Variants in FMN2 observed in about 807,000 individuals in gnomAD.
The protein encoded by FMN2 is formin 2.
FMN2 carries 51 observed loss-of-function variants against 142.3 expected under a neutral mutation model. The ratio of observed to expected loss-of-function variants is 0.36; its 90% CI spans 0.29 to 0.45. The LOEUF (loss-of-function observed/expected upper bound fraction) is 0.45, where lower values mean the gene tolerates loss of function less well. Ranked by LOEUF, FMN2 falls within the 20% of genes least tolerant of loss-of-function variation. The pLI is 1.00. For missense variants in FMN2, 1,936 were observed against 2,122.8 expected, an observed-to-expected ratio of 0.91 and a Z score of 1.73; for synonymous variants, 882 against 869.8, an observed-to-expected ratio of 1.01 and a Z score of -0.25.
At chr1:240,418,123 T>G (rs567285594) in intron 15 of FMN2, among the ~76,000 whole-genome samples, 11 of 152,218 alleles carry the variant, frequency 7.2e-5, no homozygotes, top group African/African-American at 2.4e-4. Context: ...GTATTTATTT[T>G]ATCTGAATTT....
chr1:240,232,268 TTTA>T (rs1258733752), intron 6 of FMN2, among the ~76,000 whole-genome samples: 157 of 101,732 alleles, frequency 1.5e-3, no homozygotes, highest in Admixed American at 6.1e-3. Context: ...TTTTTTTTTT[TTTA>T]AGTAGAGACA....
chr1:240,157,833 A>G (rs1664086307), intron 2 of FMN2, among the ~76,000 whole-genome samples: 1 of 152,030 alleles, frequency 6.6e-6, no homozygotes, highest in Admixed American at 6.6e-5. Context: ...TGGAATTTTT[A>G]TAAATATATA....
chr1:240,322,313 T>C (rs1671000705), intron 8 of FMN2, among the ~76,000 whole-genome samples: 1 of 152,158 alleles, frequency 6.6e-6, no homozygotes, highest in Non-Finnish European at 1.5e-5. Flanking sequence ...ATCTTCGGTC[T>C]AAAATGCTTG....
chr1:240,334,267 C>CT lies in FMN2; in HGVS notation c.4765+44dup, dbSNP rs762872244. On this transcript the variant is annotated intron_variant, in intron 13 of 17. Transcript: ENST00000319653. ...CCTGAACTCATGTTTTCTGTTTATG[C>CT]TTTTTTAATGAGAGAAGGCAGACTT... The CT allele has an allele frequency of 3.2e-6, 5 of 1,540,642 alleles. No homozygotes were observed. The South Asian group carries it at 6.4e-5, about 20-fold the overall frequency.
intron 14 of FMN2, among the ~76,000 whole-genome samples, chr1:240,357,546 C>T (rs184725582): frequency 8.6e-4 from 130 of 151,444 alleles, no homozygotes; most frequent in African/African-American, 2.7e-3. Flanking sequence ...GTAGGAAAGA[C>T]GGGATTGCCC....
In FMN2 at chr1:240,465,330, CTGTGTGTGTGTGTGTGTGTGTGTGTGTG is replaced by C. The variant is rs58873062; in HGVS notation, c.5061-7012_5061-6985del. ...CACACTCCCTACCTTATGCCTCCCTCTGTGTGTGTGTGTGTGTGTGTGTGTGTGTGTGTGTGTGTGTGTGTGTGTGTGT... is the reference window on the plus strand; with the variant it reads ...CACACTCCCTACCTTATGCCTCCCTCTGTGTGTGTGTGTGTGTGTGTGTGT... On this transcript the variant is annotated intron_variant, in intron 16 of 17. Transcript: ENST00000319653. Among the ~76,000 whole-genome samples the C allele has an allele frequency of 2.4e-3, 317 of 131,670 alleles. 1 individual carries two copies. Among genetic ancestry groups the C allele is most frequent in the South Asian group, 0.012 (44 of 3,632 alleles). The allele number at this position is 131,670 out of a possible 152,430, so 86.4% of individuals were successfully genotyped here. A position where few individuals can be genotyped will look rare whatever the true frequency, so the allele number is the denominator to read the frequency against.
chr1:240,291,403 C>G (rs1262058779), intron 7 of FMN2, among the ~76,000 whole-genome samples: 1 of 152,050 alleles, frequency 6.6e-6, no homozygotes, highest in Non-Finnish European at 1.5e-5. Flanking sequence ...TAAAGAGTCG[C>G]AGACAAGGAT....
At chr1:240,323,837 C>G (rs1362896688) in intron 8 of FMN2, among the ~76,000 whole-genome samples, 1 of 152,190 alleles carries the variant, frequency 6.6e-6, no homozygotes, top group Non-Finnish European at 1.5e-5. Context: ...TGGCTGACTT[C>G]TGTCTTTCCT....
At chr1:240,096,714 G>A (rs1441383262) in intron 1 of FMN2, among the ~76,000 whole-genome samples, 1 of 152,174 alleles carries the variant, frequency 6.6e-6, no homozygotes, top group African/African-American at 2.4e-5. Context: ...CATAGAATGA[G>A]GGTTGTCAGC....
chr1:240,095,662 G>A (rs1661171746), intron 1 of FMN2, among the ~76,000 whole-genome samples: 1 of 151,934 alleles, frequency 6.6e-6, no homozygotes, highest in South Asian at 2.1e-4. Context: ...GGTGAGGGAA[G>A]AGGACTTGAG....
intron 15 of FMN2, among the ~76,000 whole-genome samples, chr1:240,422,306 G>A (rs2103144631): frequency 1.3e-5 from 2 of 152,280 alleles, no homozygotes; most frequent in South Asian, 4.2e-4. Context: ...AAGTGATTGG[G>A]ATTGAAATGA....
chr1:240,113,329 C>T (rs530870862), intron 1 of FMN2, among the ~76,000 whole-genome samples: 4 of 151,954 alleles, frequency 2.6e-5, no homozygotes, highest in African/African-American at 7.2e-5. Context: ...TTTGGGAGGC[C>T]GAGGTGGGCG....
At chr1:240,220,120 G>A (rs1317409655) in intron 6 of FMN2, among the ~76,000 whole-genome samples, 2 of 152,176 alleles carry the variant, frequency 1.3e-5, no homozygotes, top group Non-Finnish European at 1.5e-5. Flanking sequence ...CCTCTCCCCA[G>A]TAAAACAACA....
intron 5 of FMN2, 48 bp downstream of exon 5, chr1:240,208,780 G>A: frequency 6.5e-7 from 1 of 1,536,936 alleles, no homozygotes; most frequent in East Asian, 2.3e-5. Context: ...TCAGTATTAG[G>A]GAAGTGTTTA....
At chr1:240,462,341 G>T (rs2103230967) in intron 16 of FMN2, among the ~76,000 whole-genome samples, 1 of 152,166 alleles carries the variant, frequency 6.6e-6, no homozygotes, top group East Asian at 1.9e-4. Context: ...AAAACATAAT[G>T]CCCTAAATAT....
intron 15 of FMN2, among the ~76,000 whole-genome samples, chr1:240,430,982 T>TAAA (rs377031896): frequency 7.1e-6 from 1 of 141,624 alleles, no homozygotes; most frequent in South Asian, 2.2e-4. Flanking sequence ...TCAGTCCCTT[T>TAAA]AAAAAAAAAA....
chr1:240,451,556 A>C (rs1475896734), intron 16 of FMN2, among the ~76,000 whole-genome samples: 1 of 152,006 alleles, frequency 6.6e-6, no homozygotes, highest in African/African-American at 2.4e-5. Flanking sequence ...CCCCAGGAGG[A>C]AATGCCAGCA....
At chr1:240,196,156 G>A (rs536188358) in intron 4 of FMN2, among the ~76,000 whole-genome samples, 54 of 152,276 alleles carry the variant, frequency 3.5e-4, no homozygotes, top group South Asian at 8.3e-4. Flanking sequence ...CTCAGTAGTC[G>A]GGAGCCATGA....
In FMN2 at chr1:240,136,851, G is replaced by T. The variant is rs184025716; in HGVS notation, c.1782+13506G>T. ...ACTTTGGGAGGCCAAGGTGGGCGGA[G>T]CACAAGGTCAGGAGTTTGAGATCAG... On this transcript the variant is annotated intron_variant, in intron 2 of 17. Transcript: ENST00000319653. Among the ~76,000 whole-genome samples the T allele has an allele frequency of 4.6e-3, 705 of 151,998 alleles. 19 individuals carry two copies. The highest frequency in any genetic ancestry group is 0.038 in the Admixed American group (587 of 15,260).
Sources: gnomAD v4.1 joint callset for allele counts (sites outside exome capture counted in the v4.1 genomes callset) on GRCh38, gnomAD v4.1.1 for gene constraint, MANE v1.5 for transcripts, NCBI Gene and HGNC (gene_info 2026-07-23, HGNC 2026-07-21) for gene names.